The following CACNA2D1 variants were observed in gnomAD, a reference collection of about 807,000 sequenced individuals.
The protein encoded by CACNA2D1 is voltage-dependent calcium channel subunit alpha-2/delta-1.
In CACNA2D1, 53 loss-of-function variants were observed where a neutral mutation model predicts 171.5. The observed-to-expected ratio is 0.31, with a 90% CI of 0.25 to 0.39. The LOEUF (loss-of-function observed/expected upper bound fraction) is 0.39, where lower values mean the gene tolerates loss of function less well. CACNA2D1 is among the 10% of genes least tolerant of loss of function. The pLI is 1.00. For synonymous variants in CACNA2D1, 442 were observed against 443.1 expected (o/e 1.00, Z 0.03); for missense variants, 903 against 1,299.8 (o/e 0.69, Z 4.69).
intron 7 of CACNA2D1, among the ~76,000 whole-genome samples, chr7:82,075,880 AAAAAG>A (rs1808902057): frequency 6.6e-6 from 1 of 152,236 alleles, no homozygotes; most frequent in Non-Finnish European, 1.5e-5. Flanking sequence ...CACAGAAAGA[AAAAAG>A]AAACAGATTG....
At chr7:82,044,697 T>A (rs76075235) in intron 10 of CACNA2D1, among the ~76,000 whole-genome samples, 3,064 of 152,238 alleles carry the variant, frequency 0.02, 92 homozygotes, top group African/African-American at 0.07. Flanking sequence ...CAGATGGCAA[T>A]GCAGGAAAAT....
chr7:82,055,058 A>T (rs779431194), intron 10 of CACNA2D1, among the ~76,000 whole-genome samples: 4 of 152,218 alleles, frequency 2.6e-5, no homozygotes, highest in Non-Finnish European at 5.9e-5. Flanking sequence ...AGCATGTGCT[A>T]GAAATTTGGC....
At chr7:82,095,066 T>C (rs1398495814) in intron 6 of CACNA2D1, among the ~76,000 whole-genome samples, 2 of 152,140 alleles carry the variant, frequency 1.3e-5, no homozygotes, top group Non-Finnish European at 2.9e-5. Context: ...CTCCTACTGC[T>C]CTTTCAAACA....
intron 4 of CACNA2D1, among the ~76,000 whole-genome samples, chr7:82,152,033 A>G (rs1475500654): frequency 6.6e-6 from 1 of 152,068 alleles, no homozygotes; most frequent in African/African-American, 2.4e-5. Context: ...AAGAAGAACA[A>G]GTGAACTGAA....
intron 3 of CACNA2D1, among the ~76,000 whole-genome samples, chr7:82,176,584 G>A (rs946330594): frequency 6.6e-6 from 1 of 151,770 alleles, no homozygotes; most frequent in African/African-American, 2.4e-5. Context: ...GGGATTTGAG[G>A]ATTAAAAGTT....
At chr7:82,183,690 T>C (rs1797374614) in intron 3 of CACNA2D1, among the ~76,000 whole-genome samples, 1 of 152,164 alleles carries the variant, frequency 6.6e-6, no homozygotes, top group Non-Finnish European at 1.5e-5. Context: ...GACATCTTAT[T>C]CAACATTAGC....
chr7:82,211,326 C>T (rs1681905331), intron 3 of CACNA2D1, among the ~76,000 whole-genome samples: 1 of 151,990 alleles, frequency 6.6e-6, no homozygotes, highest in East Asian at 1.9e-4. Context: ...AGCACACTAC[C>T]CAATTGGTAG....
At chr7:82,022,222 AAC>A (rs71520795) in intron 12 of CACNA2D1, among the ~76,000 whole-genome samples, 3,653 of 145,246 alleles carry the variant, frequency 0.025, 82 homozygotes, top group African/African-American at 0.058. Flanking sequence ...CAGAGACAAG[AAC>A]ACACACACAC....
intron 3 of CACNA2D1, among the ~76,000 whole-genome samples, chr7:82,200,945 G>A (rs116230910): frequency 0.028 from 4,284 of 152,200 alleles, 194 homozygotes; most frequent in African/African-American, 0.098. Context: ...GTTATGCATG[G>A]GTAACAGAAC....
chr7:82,132,067 G>A (rs896593472), intron 5 of CACNA2D1, among the ~76,000 whole-genome samples: 1 of 152,066 alleles, frequency 6.6e-6, no homozygotes, highest in Non-Finnish European at 1.5e-5. Context: ...TACAGTTCTT[G>A]ACTTTCACTG....
rs1049011958 is a variant in CACNA2D1 at position 82,128,807 on chromosome 7, C to A, written c.396+7828G>T. 2.0e-5 allele frequency among the ~76,000 whole-genome samples: 3 copies of A among 151,990 alleles called. No homozygotes were observed. In the South Asian group the frequency reaches 6.2e-4, roughly 32 times the overall value. ...GCTACTACTTCATCTCTACTCATAT[C>A]CCATACTCCCCTCCCCTGCCCCCAC... is the stretch of plus-strand genomic sequence containing the variant. On this transcript the variant is annotated intron_variant, in intron 5 of 38. Transcript: ENST00000356860.
chr7:82,443,887 A>T, upstream of CACNA2D1: 1 of 320,912 alleles, frequency 3.1e-6, no homozygotes, highest in Non-Finnish European at 5.6e-6. Flanking sequence ...GGGTGGCTGC[A>T]GGAATCGGGG....
chr7:82,180,292 G>T (rs1796985979), intron 3 of CACNA2D1, among the ~76,000 whole-genome samples: 1 of 152,174 alleles, frequency 6.6e-6, no homozygotes. Flanking sequence ...CAAACTCAGG[G>T]TTCATCAGCT....
chr7:82,299,792 C>A (rs1006013905), intron 3 of CACNA2D1, among the ~76,000 whole-genome samples: 3 of 151,874 alleles, frequency 2.0e-5, no homozygotes, highest in Non-Finnish European at 4.4e-5. Context: ...TTTCTACAGC[C>A]CTAAATTAAT....
chr7:82,300,090 G>C (rs921857249), intron 3 of CACNA2D1, among the ~76,000 whole-genome samples: 1 of 152,126 alleles, frequency 6.6e-6, no homozygotes, highest in African/African-American at 2.4e-5. Context: ...AATAACAATA[G>C]GGGTGGGTGT....
chr7:82,100,805 G>A (rs1272449121), intron 6 of CACNA2D1, among the ~76,000 whole-genome samples: 1 of 149,752 alleles, frequency 6.7e-6, no homozygotes, highest in African/African-American at 2.4e-5. Context: ...TTTAGACCAA[G>A]ATTGATTTCC....
At position 81,987,835 on chromosome 7, in the gene CACNA2D1, G is replaced by T. The variant is rs889251641; in HGVS notation, c.1797-3124C>A. On this transcript the variant is annotated intron_variant, in intron 21 of 38. Transcript: ENST00000356860. Reference sequence around the variant, plus strand: ...GTATGGTGATGGAAGTGGCAGAAATGACAGGACAGATACATTGGGTTAGAA... The same window carrying T: ...GTATGGTGATGGAAGTGGCAGAAATTACAGGACAGATACATTGGGTTAGAA... 2.6e-5 allele frequency among the ~76,000 whole-genome samples: 4 copies of T among 152,168 alleles called. No individual in the cohort carries two copies. In the South Asian group the frequency reaches 8.3e-4, roughly 31 times the overall value.
intron 7 of CACNA2D1, among the ~76,000 whole-genome samples, chr7:82,069,345 C>T (rs1808035994): frequency 6.6e-6 from 1 of 152,224 alleles, no homozygotes; most frequent in East Asian, 1.9e-4. Context: ...GTTTAGATGA[C>T]TTTTTAGTGT....
At chr7:82,082,480 T>C (rs976679109) in intron 7 of CACNA2D1, among the ~76,000 whole-genome samples, 3 of 151,732 alleles carry the variant, frequency 2.0e-5, no homozygotes, top group African/African-American at 7.3e-5. Context: ...TTTGTAAGTA[T>C]GCAAAAAGGC....
Sources: allele counts gnomAD v4.1 joint callset (sites outside exome capture counted in the v4.1 genomes callset), GRCh38; gene constraint gnomAD v4.1.1; transcripts MANE v1.5; gene names NCBI Gene and HGNC (gene_info 2026-07-23, HGNC 2026-07-21).